Variants in STK3 observed in about 807,000 individuals in gnomAD.
STK3 encodes serine/threonine kinase 3, also known as serine/threonine-protein kinase 3.
A neutral mutation model predicts 58.0 loss-of-function variants in STK3; 41 were observed. The ratio of observed to expected loss-of-function variants is 0.71; its 90% CI spans 0.55 to 0.92. The LOEUF (loss-of-function observed/expected upper bound fraction) is 0.92. Ranked by LOEUF, STK3 falls within the 40% of genes least tolerant of loss-of-function variation. The pLI is 0.00. For missense variants in STK3, 479 were observed against 602.7 expected, an observed-to-expected ratio of 0.79 and a Z score of 2.15; for synonymous variants, 170 against 191.0, an observed-to-expected ratio of 0.89 and a Z score of 0.91.
chr8:98,843,084 A>C (rs1768262866), intron 3 of STK3, among the ~76,000 whole-genome samples: 1 of 150,552 alleles, frequency 6.6e-6, no homozygotes, highest in African/African-American at 2.4e-5. Flanking sequence ...ATATATAATA[A>C]ATAATAAGCC....
At chr8:98,783,814 G>C (rs971860256) in intron 1 of STK3, among the ~76,000 whole-genome samples, 1 of 152,124 alleles carries the variant, frequency 6.6e-6, no homozygotes, top group Non-Finnish European at 1.5e-5. Flanking sequence ...CTTTTAGTGG[G>C]CCTCATTCAC....
chr8:98,481,084 A>AT (rs1299617501), intron 10 of STK3, among the ~76,000 whole-genome samples: 4 of 152,102 alleles, frequency 2.6e-5, no homozygotes, highest in African/African-American at 9.7e-5. Context: ...GTGTATCAGG[A>AT]TATTAACTGT....
chr8:98,704,061 A>C (rs1225267905), intron 6 of STK3, among the ~76,000 whole-genome samples: 1 of 152,260 alleles, frequency 6.6e-6, no homozygotes, highest in Non-Finnish European at 1.5e-5. Flanking sequence ...ATCTGAAAAA[A>C]AGCAGTTGTG....
chr8:98,595,876 C>T (rs1040067547), intron 7 of STK3, 156 bp downstream of exon 7: 40 of 730,082 alleles, frequency 5.5e-5, no homozygotes, highest in African/African-American at 9.0e-5. Context: ...AATGAGGGGA[C>T]GAGAGGGGAG....
At chr8:98,544,800 G>C (rs552954694) in intron 9 of STK3, among the ~76,000 whole-genome samples, 23 of 151,870 alleles carry the variant, frequency 1.5e-4, no homozygotes, top group Non-Finnish European at 2.8e-4. Flanking sequence ...ATTCTTACCA[G>C]GACAAACTTC....
At chr8:98,809,141 G>A (rs1834065330) in intron 1 of STK3, among the ~76,000 whole-genome samples, 1 of 152,198 alleles carries the variant, frequency 6.6e-6, no homozygotes, top group Admixed American at 6.5e-5. Context: ...CACCCTATGT[G>A]CCTTTTCATC....
chr8:98,451,900 A>C (rs199923522), downstream of STK3, among the ~76,000 whole-genome samples: 3,922 of 53,008 alleles, frequency 0.074, 215 homozygotes, highest in Admixed American at 0.29. Context: ...AAAAAAAAAC[A>C]AAAAAAAAAA....
At chr8:98,760,752 A>T (rs1257751037) in intron 3 of STK3, among the ~76,000 whole-genome samples, 2 of 151,054 alleles carry the variant, frequency 1.3e-5, no homozygotes, top group Non-Finnish European at 2.9e-5. Flanking sequence ...GCTTCCTCTC[A>T]TCTCATACCT....
intron 10 of STK3, among the ~76,000 whole-genome samples, chr8:98,464,293 C>T (rs1390645790): frequency 6.6e-6 from 1 of 152,100 alleles, no homozygotes; most frequent in Non-Finnish European, 1.5e-5. Context: ...GAGCAACATA[C>T]TCTTTTTTCC....
chr8:98,447,640 A>C (rs941327869), intron 1 of STK3, among the ~76,000 whole-genome samples: 1 of 125,742 alleles, frequency 8.0e-6, no homozygotes, highest in African/African-American at 2.9e-5. Flanking sequence ...TTGCAATACT[A>C]TATATAGTAT....
chr8:98,553,859 G>A (rs1012579765), intron 8 of STK3, among the ~76,000 whole-genome samples: 8 of 151,854 alleles, frequency 5.3e-5, no homozygotes, highest in Middle Eastern at 3.4e-3. Flanking sequence ...CAGCTACTTA[G>A]AAGGCTGATG....
At chr8:98,900,663 T>C (rs1321409365) in intron 1 of STK3, among the ~76,000 whole-genome samples, 1 of 151,798 alleles carries the variant, frequency 6.6e-6, no homozygotes, top group Non-Finnish European at 1.5e-5. Flanking sequence ...TATTCTTTTT[T>C]TCTTTTTTTT....
chr8:98,570,777 C>G (rs1429802665), intron 8 of STK3, among the ~76,000 whole-genome samples: 1 of 152,162 alleles, frequency 6.6e-6, no homozygotes, highest in African/African-American at 2.4e-5. Context: ...AAACATTGTT[C>G]TAGGTGTGTA....
chr8:98,839,226 T>G (rs1835871050), intron 3 of STK3, among the ~76,000 whole-genome samples: 1 of 152,058 alleles, frequency 6.6e-6, no homozygotes, highest in Non-Finnish European at 1.5e-5. Flanking sequence ...TTTACAATTT[T>G]TTGTAGCACC....
At chr8:98,346,268 G>A in the STK3 span, among the ~76,000 whole-genome samples, 1 of 139,864 alleles carries the variant, frequency 7.1e-6, no homozygotes, top group African/African-American at 2.7e-5. Flanking sequence ...CTGGGTGACA[G>A]AGCAAGACTC....
chr8:98,476,256 T>C lies in STK3; in HGVS notation c.1318-20256A>G, dbSNP rs190390886. ...TCAGGCTGTGATTTGCTTACAGATA[T>C]GAAATCTTGGGAGCAACTCAGTCCA... On this transcript the variant is annotated intron_variant, in intron 10 of 10. Transcript: ENST00000419617. Among the ~76,000 whole-genome samples the C allele has an allele frequency of 7.9e-5, 12 of 152,348 alleles. No individual in the cohort carries two copies. The East Asian group carries it at 1.2e-3, about 15-fold the overall frequency.
intron 7 of STK3, 24 bp from the exon 8 acceptor site, chr8:98,579,813 A>G: frequency 6.5e-7 from 1 of 1,549,050 alleles, no homozygotes; most frequent in Non-Finnish European, 8.6e-7. Flanking sequence ...ATTCAATGGT[A>G]TAAATTCAAA....
At chr8:98,612,916 C>A (rs960642915) in intron 6 of STK3, among the ~76,000 whole-genome samples, 5 of 152,160 alleles carry the variant, frequency 3.3e-5, no homozygotes, top group South Asian at 2.1e-4. Context: ...GACAGCCCCC[C>A]CTAGCAGTGT....
chr8:98,738,412 G>A (rs1330504798), intron 4 of STK3, among the ~76,000 whole-genome samples: 1 of 152,114 alleles, frequency 6.6e-6, no homozygotes, highest in East Asian at 1.9e-4. Flanking sequence ...GGCGGAAGTT[G>A]CAGTGAGCCA....
Sources: allele counts gnomAD v4.1 joint callset (sites outside exome capture counted in the v4.1 genomes callset), GRCh38; gene constraint gnomAD v4.1.1; transcripts MANE v1.5; gene names NCBI Gene and HGNC (gene_info 2026-07-23, HGNC 2026-07-21).